Variants in RXFP3 observed in about 807,000 individuals in gnomAD.
The protein encoded by RXFP3 is relaxin family peptide receptor 3.
A neutral mutation model predicts 27.3 loss-of-function variants in RXFP3; 31 were observed. That is an observed-to-expected ratio of 1.13 (90% CI 0.85 to 1.53). The LOEUF is 1.53. Ranked by LOEUF, RXFP3 falls within the 40% of genes most tolerant of loss-of-function variation. The pLI is 0.00. For synonymous variants in RXFP3, 351 were observed against 293.6 expected (o/e 1.20, Z -2.00); for missense variants, 684 against 642.1 (o/e 1.07, Z -0.70).
rs1751675311 is a variant in RXFP3, at chr5:33,936,872, G to A, written c.132G>A (p.Gln44=). Residue 44 remains glutamine, a synonymous_variant, in exon 1 of 1, where the codon CAG becomes CAA. Coordinates refer to ENST00000330120, the MANE Select transcript of RXFP3 (RefSeq NM_016568.3). ...ACACGAGTGGTAACGCGTCGCTGCA[G>A]CTTCCGGACTTGTGGTGGGAGCTGG... ...AANTSGNASL[Q]LPDLWWELGL... is the part of the protein sequence containing the mutation. 1.9e-6 allele frequency: 3 copies of A among 1,600,390 alleles called. No individual in the cohort carries two copies. In the South Asian group the frequency reaches 3.3e-5, roughly 18 times the overall value.
chr5:33,937,492 T>TA lies in RXFP3; in HGVS notation c.752_753insA (p.Phe251LeufsTer245). On this transcript the variant is annotated frameshift_variant, in exon 1 of 1. Transcript: ENST00000330120. LOFTEE classifies it high-confidence loss of function. ...GGCGAGGAGCTGTGCCTGGTGCGTTTCCCGGACAAGTTGCTGGGCCGCGAC... is the reference window on the plus strand; with the variant it reads ...GGCGAGGAGCTGTGCCTGGTGCGTTTACCCGGACAAGTTGCTGGGCCGCGAC... 6.2e-7 allele frequency: 1 copy of TA among 1,600,270 alleles called. No individual in the cohort carries two copies. The highest frequency in any genetic ancestry group is 8.5e-7 in the Non-Finnish European group (1 of 1,173,690).
Position 33,938,268 on chromosome 5 carries a change from G to A in RXFP3, c.*118G>A. On this transcript the variant is annotated 3_prime_UTR_variant, in exon 1 of 1. Coordinates refer to ENST00000330120, the MANE Select transcript of RXFP3 (RefSeq NM_016568.3). ...CCCATTTAAGAAGTAGGTGGGAGGAGGATGGGCAGAGCATGGAGGAGGAGC... is the reference window on the plus strand; with the variant it reads ...CCCATTTAAGAAGTAGGTGGGAGGAAGATGGGCAGAGCATGGAGGAGGAGC... The A allele has an allele frequency of 1.2e-6, 1 of 861,822 alleles. No homozygotes were observed. Among genetic ancestry groups the A allele is most frequent in the South Asian group, 1.8e-5 (1 of 56,586 alleles). The allele number at this position is 861,822 out of a possible 1,614,324, so 53.4% of individuals were successfully genotyped here.
chr5:33,937,298 G>C lies in RXFP3; in HGVS notation c.558G>C (p.Ser186=). 6.2e-7 allele frequency: 1 copy of C among 1,613,108 alleles called. No individual in the cohort carries two copies. The highest frequency in any genetic ancestry group is 8.5e-7 in the Non-Finnish European group (1 of 1,179,942). ...TGACGCGCTACCATTCGGTGGCCTCGGCTCTGAAGAGCCACCGGACCCGAG... is the reference window on the plus strand; with the variant it reads ...TGACGCGCTACCATTCGGTGGCCTCCGCTCTGAAGAGCCACCGGACCCGAG... ...MSVTRYHSVA[S]ALKSHRTRGH... is the part of the protein sequence containing the mutation. Residue 186 remains serine (S), a synonymous_variant, in exon 1 of 1, where the codon TCG becomes TCC. Transcript: ENST00000330120.
At position 33,938,124 on chromosome 5, in the gene RXFP3, C is replaced by T. The variant is rs1317789128; in HGVS notation, c.1384C>T (p.Leu462=). 5.6e-6 allele frequency: 9 copies of T among 1,605,322 alleles called. No homozygotes were observed. The highest frequency in any genetic ancestry group is 6.8e-6 in the Non-Finnish European group (8 of 1,176,098). The change falls in exon 1 of 1, where the codon CTG becomes TTG. Residue 462 remains leucine, a synonymous_variant. Coordinates refer to ENST00000330120, the MANE Select transcript of RXFP3 (RefSeq NM_016568.3). ...VVVYSGGRYD[L]LPSSSAY ...GGTCTACAGCGGGGGGCGCTACGAC[C>T]TGCTGCCCAGCAGCTCTGCCTACTG...
chr5:33,937,674 C>A lies in RXFP3; in HGVS notation c.934C>A (p.Arg312Ser), dbSNP rs148920283. The change falls in exon 1 of 1, where the codon CGC (arginine) becomes AGC (serine). Residue 312 changes from arginine to serine, a missense_variant. By Grantham distance (110) the Arg-to-Ser change is moderately radical. Transcript: ENST00000330120. ...AGGAGGGGCCGCGGTAGCCGGAGGACGCCCGACCGGAGCCAGCGCCCGGAG... is the reference window on the plus strand; with the variant it reads ...AGGAGGGGCCGCGGTAGCCGGAGGAAGCCCGACCGGAGCCAGCGCCCGGAG... The part of the protein sequence containing the change: ...TKGGAAVAGG[R>S]PTGASARRLS... 32 of 1,609,808 alleles carry A rather than the reference C, an allele frequency of 2.0e-5. No individual in the cohort carries two copies. The African/African-American group carries it at 3.5e-4, about 17-fold the overall frequency.
At position 33,938,467 on chromosome 5, in the gene RXFP3, A is replaced by G. The variant is rs1345008232; in HGVS notation, c.*317A>G. On this transcript the variant is annotated 3_prime_UTR_variant, in exon 1 of 1. Transcript: ENST00000330120. Reference sequence around the variant, plus strand: ...GCTGAGTAGTGTGGGGGCGCCCAGAAGCGAAGACAAGCAGCAAAAATGTAG... The same window carrying G: ...GCTGAGTAGTGTGGGGGCGCCCAGAGGCGAAGACAAGCAGCAAAAATGTAG... 6.6e-6 allele frequency among the ~76,000 whole-genome samples: 1 copy of G among 152,208 alleles called. No individual in the cohort carries two copies. The highest frequency in any genetic ancestry group is 1.5e-5 in the Non-Finnish European group (1 of 68,032).
In RXFP3 at chr5:33,937,487, G is replaced by T. The variant is rs1481168848; in HGVS notation, c.747G>T (p.Val249=). The T allele has an allele frequency of 1.2e-6, 2 of 1,601,062 alleles. No individual in the cohort carries two copies. Among genetic ancestry groups the T allele is most frequent in the Non-Finnish European group, 1.7e-6 (2 of 1,174,114 alleles). The change falls in exon 1 of 1, where the codon GTG becomes GTT. Residue 249 remains valine (V), a synonymous_variant. Transcript: ENST00000330120. ...VKVMGEELCL[V]RFPDKLLGRD... is the part of the protein sequence containing the mutation. ...TGATGGGCGAGGAGCTGTGCCTGGT[G>T]CGTTTCCCGGACAAGTTGCTGGGCC... is the stretch of plus-strand genomic sequence containing the variant.
rs768651560 is a variant in RXFP3, at chr5:33,936,945, G to C, written c.205G>C (p.Gly69Arg). 1 of 1,602,616 alleles carries C rather than the reference G, an allele frequency of 6.2e-7. No homozygotes were observed. Among genetic ancestry groups the C allele is most frequent in the African/African-American group, 1.3e-5 (1 of 74,872 alleles). Residue 69 changes from glycine to arginine, a missense_variant, in exon 1 of 1, where the codon GGC (glycine) becomes CGC (arginine). Coordinates refer to ENST00000330120, the MANE Select transcript of RXFP3 (RefSeq NM_016568.3). ...GAPPGHPPGS[G>R]GAESADTEAR... is the part of the protein sequence containing the mutation. ...GCCGCCAGGACATCCCCCGGGCAGC[G>C]GCGGGGCAGAGAGCGCGGACACAGA...
Position 33,936,769 on chromosome 5 carries a change from C to T in RXFP3, c.29C>T (p.Ala10Val). 1 of 1,525,508 alleles carries T rather than the reference C, an allele frequency of 6.6e-7. No homozygotes were observed. Among genetic ancestry groups the T allele is most frequent in the Non-Finnish European group, 8.8e-7 (1 of 1,134,242 alleles). The allele number at this position is 1,525,508 out of a possible 1,614,324, so 94.5% of individuals were successfully genotyped here. A position where few individuals can be genotyped will look rare whatever the true frequency, so the allele number is the denominator to read the frequency against. MQMADAATI[A>V]TMNKAAGGDK... Reference sequence around the variant, plus strand: ...CAGATGGCCGATGCAGCCACGATAGCCACCATGAATAAGGCAGCAGGCGGG... The same window carrying T: ...CAGATGGCCGATGCAGCCACGATAGTCACCATGAATAAGGCAGCAGGCGGG... The change falls in exon 1 of 1, where the codon GCC (alanine) becomes GTC (valine). Residue 10 changes from alanine to valine, a missense_variant. By Grantham distance (64) the Ala-to-Val change is moderately conservative. Transcript: ENST00000330120.
In RXFP3 at chr5:33,937,730, C is replaced by A. The variant is rs562702321; in HGVS notation, c.990C>A (p.Ile330=). 18 of 1,613,960 alleles carry A rather than the reference C, an allele frequency of 1.1e-5. No individual in the cohort carries two copies. The South Asian group carries it at 1.8e-4, about 16-fold the overall frequency. Residue 330 remains isoleucine (I), a synonymous_variant, in exon 1 of 1, where the codon ATC becomes ATA. Coordinates refer to ENST00000330120, the MANE Select transcript of RXFP3 (RefSeq NM_016568.3). ...CGAAGGTCACCAAATCAGTGACCAT[C>A]GTTGTCCTGTCCTTCTTCCTGTGTT... ...RLSKVTKSVT[I]VVLSFFLCWL...
In RXFP3 at chr5:33,937,174, A is replaced by T. The variant is rs745745257; in HGVS notation, c.434A>T (p.Asp145Val). The change falls in exon 1 of 1, where the codon GAC (aspartate) becomes GTC (valine). Residue 145 changes from aspartate to valine, a missense_variant. Transcript: ENST00000330120. ...LPFWAVENALDFKWPFGKAMC... is the reference protein window; with the variant it reads ...LPFWAVENALVFKWPFGKAMC... Reference sequence around the variant, plus strand: ...TTCTGGGCGGTGGAGAACGCTCTTGACTTCAAATGGCCCTTCGGCAAGGCC... The same window carrying T: ...TTCTGGGCGGTGGAGAACGCTCTTGTCTTCAAATGGCCCTTCGGCAAGGCC... 6.2e-7 allele frequency: 1 copy of T among 1,613,818 alleles called. No homozygotes were observed. Among genetic ancestry groups the T allele is most frequent in the Non-Finnish European group, 8.5e-7 (1 of 1,179,736 alleles).
chr5:33,937,284 C>T lies in RXFP3; in HGVS notation c.544C>T (p.His182Tyr), dbSNP rs768378041. The change falls in exon 1 of 1, where the codon CAT (histidine) becomes TAT (tyrosine). Residue 182 changes from histidine to tyrosine, a missense_variant. Coordinates refer to ENST00000330120, the MANE Select transcript of RXFP3 (RefSeq NM_016568.3). ...CACTGCCATGAGTGTGACGCGCTACCATTCGGTGGCCTCGGCTCTGAAGAG... is the reference window on the plus strand; with the variant it reads ...CACTGCCATGAGTGTGACGCGCTACTATTCGGTGGCCTCGGCTCTGAAGAG... ...FLTAMSVTRY[H>Y]SVASALKSHR... The T allele has an allele frequency of 3.1e-6, 5 of 1,613,560 alleles. No homozygotes were observed. The South Asian group carries it at 5.5e-5, about 18-fold the overall frequency.
rs1246855034 is a variant in RXFP3, at chr5:33,938,055, G to C, written c.1315G>C (p.Ala439Pro). 1.2e-6 allele frequency: 2 copies of C among 1,611,674 alleles called. No homozygotes were observed. Among genetic ancestry groups the C allele is most frequent in the African/African-American group, 1.3e-5 (1 of 75,038 alleles). ...QGLQAPAPPH[A>P]AAEPDLLYYP... Reference sequence around the variant, plus strand: ...GCTGCAGGCCCCGGCGCCGCCCCACGCGGCCGCGGAGCCGGACCTGCTCTA... The same window carrying C: ...GCTGCAGGCCCCGGCGCCGCCCCACCCGGCCGCGGAGCCGGACCTGCTCTA... Residue 439 changes from alanine (A) to proline (P), a missense_variant, in exon 1 of 1, where the codon GCG becomes CCG. Coordinates refer to ENST00000330120, the MANE Select transcript of RXFP3 (RefSeq NM_016568.3).
At position 33,937,297 on chromosome 5, in the gene RXFP3, C is replaced by G. The variant is rs145194382; in HGVS notation, c.557C>G (p.Ser186Trp). The G allele has an allele frequency of 3.1e-6, 5 of 1,613,084 alleles. No individual in the cohort carries two copies. The highest frequency in any genetic ancestry group is 2.2e-5 in the East Asian group (1 of 44,874). ...GTGACGCGCTACCATTCGGTGGCCT[C>G]GGCTCTGAAGAGCCACCGGACCCGA... ...MSVTRYHSVA[S>W]ALKSHRTRGH... is the part of the protein sequence containing the mutation. Residue 186 changes from serine (S) to tryptophan (W), a missense_variant, in exon 1 of 1, where the codon TCG becomes TGG. Coordinates refer to ENST00000330120, the MANE Select transcript of RXFP3 (RefSeq NM_016568.3).
rs1020517004 is a variant in RXFP3 at position 33,936,846 on chromosome 5, A to G, written c.106A>G (p.Asn36Asp). 4 of 1,595,012 alleles carry G rather than the reference A, an allele frequency of 2.5e-6. No individual in the cohort carries two copies. The African/African-American group carries it at 4.0e-5, about 16-fold the overall frequency. Residue 36 changes from asparagine to aspartate, a missense_variant, in exon 1 of 1, where the codon AAC (asparagine) becomes GAC (aspartate). By Grantham distance (23) the Asn-to-Asp change is conservative. Transcript: ENST00000330120. The part of the protein sequence containing the change: ...SLVPDLLEAA[N>D]TSGNASLQLP... The stretch of plus-strand genomic sequence containing the variant: ...GGTCCCGGACCTTCTGGAGGCGGCC[A>G]ACACGAGTGGTAACGCGTCGCTGCA...
chr5:33,938,326 G>A lies in RXFP3; in HGVS notation c.*176G>A. 3 of 633,520 alleles carry A rather than the reference G, an allele frequency of 4.7e-6. No individual in the cohort carries two copies. Among genetic ancestry groups the A allele is most frequent in the Non-Finnish European group, 8.4e-6 (3 of 358,992 alleles). The allele number at this position is 633,520 out of a possible 1,614,324, so 39.2% of individuals were successfully genotyped here. On this transcript the variant is annotated 3_prime_UTR_variant, in exon 1 of 1. Transcript: ENST00000330120. Reference sequence around the variant, plus strand: ...TAGGCCGAGGACCTTCTCTGGAGAGGAGATGCTTCGAAATCGGGTGGAGAG... The same window carrying A: ...TAGGCCGAGGACCTTCTCTGGAGAGAAGATGCTTCGAAATCGGGTGGAGAG...
rs1218342216 is a variant in RXFP3, at chr5:33,938,171, C to A, written c.*21C>A. On this transcript the variant is annotated 3_prime_UTR_variant, in exon 1 of 1. Transcript: ENST00000330120. Reference sequence around the variant, plus strand: ...ACTGACGCAGGCCTCAGGCCCAGGGCGCGCCGTCGGGGCAAGGTGGCCTTC... The same window carrying A: ...ACTGACGCAGGCCTCAGGCCCAGGGAGCGCCGTCGGGGCAAGGTGGCCTTC... The A allele has an allele frequency of 2.6e-6, 4 of 1,550,856 alleles. No individual in the cohort carries two copies. The Admixed American group carries it at 6.1e-5, about 23-fold the overall frequency.
At position 33,937,369 on chromosome 5, in the gene RXFP3, G is replaced by T. The variant is rs748753459; in HGVS notation, c.629G>T (p.Cys210Phe). 1.2e-6 allele frequency: 2 copies of T among 1,612,956 alleles called. No individual in the cohort carries two copies. The highest frequency in any genetic ancestry group is 1.3e-5 in the African/African-American group (1 of 74,950). The part of the protein sequence containing the change: ...DCCGRSLGDS[C>F]CFSAKALCVW... Reference sequence around the variant, plus strand: ...TGCGGCCGGAGCCTGGGGGACAGCTGCTGCTTCTCGGCCAAGGCGCTGTGT... The same window carrying T: ...TGCGGCCGGAGCCTGGGGGACAGCTTCTGCTTCTCGGCCAAGGCGCTGTGT... The change falls in exon 1 of 1, where the codon TGC becomes TTC. Residue 210 changes from cysteine to phenylalanine, a missense_variant. Transcript: ENST00000330120.
At position 33,937,961 on chromosome 5, in the gene RXFP3, C is replaced by T. The variant is rs780245177; in HGVS notation, c.1221C>T (p.Ile407=). 1 of 1,613,346 alleles carries T rather than the reference C, an allele frequency of 6.2e-7. No individual in the cohort carries two copies. Among genetic ancestry groups the T allele is most frequent in the Admixed American group, 1.7e-5 (1 of 60,030 alleles). The change falls in exon 1 of 1, where the codon ATC becomes ATT. Residue 407 remains isoleucine, a synonymous_variant. Coordinates refer to ENST00000330120, the MANE Select transcript of RXFP3 (RefSeq NM_016568.3). ...RKALKSLLWR[I]ASPSITSMRP... ...CGCTCAAGAGCCTGCTGTGGCGCATCGCGTCTCCTTCGATCACCAGCATGC... is the reference window on the plus strand; with the variant it reads ...CGCTCAAGAGCCTGCTGTGGCGCATTGCGTCTCCTTCGATCACCAGCATGC...
Sources: allele counts gnomAD v4.1 joint callset (sites outside exome capture counted in the v4.1 genomes callset), GRCh38; gene constraint gnomAD v4.1.1; transcripts MANE v1.5; gene names NCBI Gene and HGNC (gene_info 2026-07-23, HGNC 2026-07-21).